NCOA2: variants seen among roughly 807,000 people sequenced by gnomAD.
NCOA2 encodes the protein nuclear receptor coactivator 2.
In NCOA2, 21 loss-of-function variants were observed where a neutral mutation model predicts 145.1. The ratio of observed to expected loss-of-function variants is 0.14; its 90% CI spans 0.10 to 0.21. The LOEUF (loss-of-function observed/expected upper bound fraction) is 0.21, where lower values mean the gene tolerates loss of function less well. Among genes scored for constraint, NCOA2 ranks in the 10% least tolerant of loss-of-function variants. The pLI, the probability that NCOA2 is intolerant of heterozygous loss-of-function variation, is 1.00. For synonymous variants in NCOA2, 619 were observed against 637.5 expected (o/e 0.97, Z 0.44); for missense variants, 1,472 against 1,837.6 (o/e 0.80, Z 3.64).
chr8:70,254,815 A>T (rs1823503645), intron 2 of NCOA2, among the ~76,000 whole-genome samples: 2 of 152,224 alleles, frequency 1.3e-5, no homozygotes, highest in Admixed American at 1.3e-4. Context: ...CAGTGTGAAT[A>T]CACTTAATGC....
At chr8:70,265,300 G>A (rs1824478598) in intron 2 of NCOA2, among the ~76,000 whole-genome samples, 1 of 152,168 alleles carries the variant, frequency 6.6e-6, no homozygotes, top group African/African-American at 2.4e-5. Context: ...TGTAAGACAG[G>A]AAGAGAGCTC....
intron 1 of NCOA2, among the ~76,000 whole-genome samples, chr8:70,335,351 G>GTTTGTCTT (rs530599218): frequency 2.6e-5 from 4 of 151,978 alleles, no homozygotes; most frequent in Non-Finnish European, 5.9e-5. Flanking sequence ...AACTGAGCTG[G>GTTTGTCTT]TTTGTCTTTT....
intron 15 of NCOA2, among the ~76,000 whole-genome samples, chr8:70,132,627 T>TTCACA: frequency 6.6e-6 from 1 of 152,192 alleles, no homozygotes; most frequent in Non-Finnish European, 1.5e-5. Flanking sequence ...TGCAGTGGTG[T>TTCACA]GATCATGGCT....
At position 70,112,422 on chromosome 8, in the gene NCOA2, A is replaced by G. The variant is rs192672135; in HGVS notation, c.*1210T>C. The stretch of plus-strand genomic sequence containing the variant: ...ATAAATTGGATTTTATGTACCTTAC[A>G]AAACTTCGGCTTAGTCAGCACTGCT... On this transcript the variant is annotated 3_prime_UTR_variant, in exon 23 of 23. Transcript: ENST00000452400. The G allele has an allele frequency of 1.4e-4, 27 of 195,142 alleles. No homozygotes were observed. In the East Asian group the frequency reaches 2.1e-3, roughly 15 times the overall value. The allele number at this position is 195,142 out of a possible 1,614,324, so 12.1% of individuals were successfully genotyped here.
intron 1 of NCOA2, among the ~76,000 whole-genome samples, chr8:70,377,142 A>C (rs1405268978): frequency 6.6e-6 from 1 of 152,050 alleles, no homozygotes; most frequent in African/African-American, 2.4e-5. Context: ...TGTAGGACCT[A>C]TTAATCAAAG....
intron 2 of NCOA2, among the ~76,000 whole-genome samples, chr8:70,237,418 G>C (rs1705162913): frequency 9.3e-6 from 1 of 107,508 alleles, no homozygotes; most frequent in Non-Finnish European, 1.8e-5. Context: ...ATTCCATCCA[G>C]TATTTTCCTT....
At chr8:70,402,461 G>A (rs1814375350) in intron 1 of NCOA2, 1 of 152,310 alleles carries the variant, frequency 6.6e-6, no homozygotes, top group Non-Finnish European at 1.5e-5. Flanking sequence ...ACTAGAGGGA[G>A]GGGAAGAGGG....
At chr8:70,157,527 G>T (rs1296473127) in intron 10 of NCOA2, among the ~76,000 whole-genome samples, 1 of 152,184 alleles carries the variant, frequency 6.6e-6, no homozygotes, top group Non-Finnish European at 1.5e-5. Flanking sequence ...TACTAGACAA[G>T]ACATTAACAG....
chr8:70,454,802 A>C, the NCOA2 span, among the ~76,000 whole-genome samples: 1 of 152,220 alleles, frequency 6.6e-6, no homozygotes, highest in Non-Finnish European at 1.5e-5. Context: ...GAAGTTTCAG[A>C]CACAAACAAA....
intron 4 of NCOA2, among the ~76,000 whole-genome samples, chr8:70,185,529 T>C (rs6980582): frequency 0.056 from 8,449 of 151,788 alleles, 304 homozygotes; most frequent in East Asian, 0.16. Context: ...AGAAAGACCA[T>C]GAGAACAAAG....
intron 4 of NCOA2, among the ~76,000 whole-genome samples, chr8:70,187,044 A>G (rs565310111): frequency 6.6e-6 from 1 of 152,300 alleles, no homozygotes; most frequent in East Asian, 1.9e-4. Context: ...TCATCAACCA[A>G]CCTTCCACAA....
intron 1 of NCOA2, among the ~76,000 whole-genome samples, chr8:70,301,635 GAC>G (rs1827496754): frequency 8.3e-6 from 1 of 120,774 alleles, no homozygotes; most frequent in Non-Finnish European, 1.6e-5. Flanking sequence ...CAGCCTAGGT[GAC>G]AGAGTGAGAC....
At chr8:70,183,744 C>T (rs1177870349) in intron 4 of NCOA2, among the ~76,000 whole-genome samples, 1 of 152,156 alleles carries the variant, frequency 6.6e-6, no homozygotes, top group East Asian at 1.9e-4. Flanking sequence ...TCTGTGATGC[C>T]CTATGCCCAT....
At chr8:70,237,298 C>T (rs542953150) in intron 2 of NCOA2, among the ~76,000 whole-genome samples, 35 of 152,298 alleles carry the variant, frequency 2.3e-4, no homozygotes, top group Admixed American at 7.9e-4. Context: ...TTTGAACCCG[C>T]GCTGTCTGAC....
intron 4 of NCOA2, among the ~76,000 whole-genome samples, chr8:70,201,684 C>G (rs1817904130): frequency 6.6e-6 from 1 of 152,214 alleles, no homozygotes; most frequent in Non-Finnish European, 1.5e-5. Context: ...GTGAGTGCCT[C>G]TATTCTGCCC....
chr8:70,397,553 T>C (rs1178600112), intron 1 of NCOA2, among the ~76,000 whole-genome samples: 3 of 151,470 alleles, frequency 2.0e-5, no homozygotes, highest in African/African-American at 4.9e-5. Flanking sequence ...CTCAGGAGCA[T>C]TCCATCCTTT....
At chr8:70,126,121 G>T (rs1808386344) in intron 19 of NCOA2, among the ~76,000 whole-genome samples, 1 of 152,160 alleles carries the variant, frequency 6.6e-6, no homozygotes, top group Non-Finnish European at 1.5e-5. Flanking sequence ...AAAGGGTAGG[G>T]AAAGTCATTT....
chr8:70,149,778 G>A (rs547884971), intron 11 of NCOA2, among the ~76,000 whole-genome samples: 1 of 152,262 alleles, frequency 6.6e-6, no homozygotes, highest in South Asian at 2.1e-4. Flanking sequence ...GCAGAAAGTA[G>A]TACGAACGAT....
chr8:70,415,178 T>A, the NCOA2 span, among the ~76,000 whole-genome samples: 2 of 152,020 alleles, frequency 1.3e-5, no homozygotes, highest in South Asian at 2.1e-4. Flanking sequence ...GTTTTTTATT[T>A]TTTTTTTTAA....
Sources: allele counts gnomAD v4.1 joint callset (sites outside exome capture counted in the v4.1 genomes callset), GRCh38; gene constraint gnomAD v4.1.1; transcripts MANE v1.5; gene names NCBI Gene and HGNC (gene_info 2026-07-23, HGNC 2026-07-21).